Variants in PLEKHM3 observed in about 807,000 individuals in gnomAD.
PLEKHM3 encodes the protein pleckstrin homology domain-containing family M member 3.
A neutral mutation model predicts 81.8 loss-of-function variants in PLEKHM3; 45 were observed. The observed-to-expected ratio is 0.55, with a 90% CI of 0.43 to 0.71. The LOEUF is 0.71. PLEKHM3 is among the 30% of genes least tolerant of loss of function. PLEKHM3 has a pLI of 0.00. For synonymous variants in PLEKHM3, 352 were observed against 356.4 expected (o/e 0.99, Z 0.14); for missense variants, 788 against 924.3 (o/e 0.85, Z 1.91).
At chr2:207,849,873 G>A (rs1052959772) in intron 7 of PLEKHM3, among the ~76,000 whole-genome samples, 2 of 152,152 alleles carry the variant, frequency 1.3e-5, no homozygotes, top group African/African-American at 2.4e-5. Flanking sequence ...TTTATGTAAC[G>A]CTTAGTCCAT....
chr2:208,008,060 A>C (rs1692556069), intron 1 of PLEKHM3, among the ~76,000 whole-genome samples: 1 of 151,922 alleles, frequency 6.6e-6, no homozygotes, highest in Non-Finnish European at 1.5e-5. Context: ...CTCAAAAATA[A>C]ATAAATAAAT....
chr2:208,010,631 C>T (rs17537823), intron 1 of PLEKHM3, among the ~76,000 whole-genome samples: 4,870 of 152,292 alleles, frequency 0.032, 104 homozygotes, highest in Non-Finnish European at 0.045. Context: ...CAAGTAGGTT[C>T]CATCAGGGCC....
At chr2:207,984,450 G>A (rs1052202862) in intron 2 of PLEKHM3, among the ~76,000 whole-genome samples, 2 of 151,004 alleles carry the variant, frequency 1.3e-5, no homozygotes, top group African/African-American at 2.4e-5. Context: ...GAGTGATCTC[G>A]GCTCACTGCA....
chr2:207,970,240 G>A lies in PLEKHM3; in HGVS notation c.1546+6411C>T, dbSNP rs73983659. 8.2e-3 allele frequency among the ~76,000 whole-genome samples: 1,240 copies of A among 151,866 alleles called. 17 individuals carry two copies. Among genetic ancestry groups the A allele is most frequent in the African/African-American group, 0.028 (1,165 of 41,402 alleles). ...AGAGAGGAGAGGAAAGAGGAGGTAG[G>A]GTGGGGCAAAGAAAAACTAGAGTGC... On this transcript the variant is annotated intron_variant, in intron 3 of 7. Coordinates refer to ENST00000427836, the MANE Select transcript of PLEKHM3 (RefSeq NM_001080475.3).
Position 207,936,846 on chromosome 2 carries a change from AGTGTGTGTGT to A in PLEKHM3, c.1693-5737_1693-5728del, listed in dbSNP as rs57642698. Among the ~76,000 whole-genome samples, 442 of 146,800 alleles carry A rather than the reference AGTGTGTGTGT, an allele frequency of 3.0e-3. 3 individuals are homozygous for A. The highest frequency in any genetic ancestry group is 5.0e-3 in the African/African-American group (200 of 39,980). Reference sequence around the variant, plus strand: ...CAAAAAAGAACTGGTTAGATAAATTAGTGTGTGTGTGTGTGTGTGTGTGTGTGTGTGTGTG... The same window carrying A: ...CAAAAAAGAACTGGTTAGATAAATTAGTGTGTGTGTGTGTGTGTGTGTGTG... On this transcript the variant is annotated intron_variant, in intron 4 of 7. Coordinates refer to ENST00000427836, the MANE Select transcript of PLEKHM3 (RefSeq NM_001080475.3).
At chr2:207,945,756 C>T (rs141501426) in intron 4 of PLEKHM3, among the ~76,000 whole-genome samples, 2,879 of 152,158 alleles carry the variant, frequency 0.019, 92 homozygotes, top group African/African-American at 0.065. Flanking sequence ...CAAAAATTAG[C>T]TGGGCGTGGT....
At chr2:207,998,241 C>T (rs978655651) in intron 2 of PLEKHM3, among the ~76,000 whole-genome samples, 4 of 152,216 alleles carry the variant, frequency 2.6e-5, no homozygotes, top group Admixed American at 2.6e-4. Flanking sequence ...CAGTGGCTCA[C>T]GCCTGTAACC....
intron 4 of PLEKHM3, among the ~76,000 whole-genome samples, chr2:207,940,461 A>G (rs1689903709): frequency 6.6e-6 from 1 of 152,204 alleles, no homozygotes; most frequent in African/African-American, 2.4e-5. Flanking sequence ...CATATGAGGA[A>G]ACTGACACCA....
intron 7 of PLEKHM3, among the ~76,000 whole-genome samples, chr2:207,831,467 A>T (rs1314945291): frequency 1.3e-5 from 2 of 152,216 alleles, no homozygotes; most frequent in African/African-American, 4.8e-5. Flanking sequence ...TCAAACCACA[A>T]ATCCTTTGTA....
chr2:207,899,332 G>A (rs1418417112), intron 6 of PLEKHM3, among the ~76,000 whole-genome samples: 2 of 152,138 alleles, frequency 1.3e-5, no homozygotes, highest in African/African-American at 4.8e-5. Context: ...AAATTCTACT[G>A]GACATCACCA....
chr2:207,958,278 C>T (rs116783898), intron 3 of PLEKHM3, among the ~76,000 whole-genome samples: 1 of 152,164 alleles, frequency 6.6e-6, no homozygotes, highest in Non-Finnish European at 1.5e-5. Context: ...GTAACATCTG[C>T]TCCAAGCTTG....
chr2:208,007,767 A>C (rs1269575013), intron 1 of PLEKHM3, among the ~76,000 whole-genome samples: 1 of 152,090 alleles, frequency 6.6e-6, no homozygotes, highest in Non-Finnish European at 1.5e-5. Flanking sequence ...ACAAAAAATT[A>C]AAAATAGGCC....
At chr2:207,936,068 G>A (rs780620068) in intron 4 of PLEKHM3, among the ~76,000 whole-genome samples, 7 of 152,116 alleles carry the variant, frequency 4.6e-5, no homozygotes, top group South Asian at 2.1e-4. Context: ...CTGTAACTTC[G>A]AACTTCTGAG....
intron 3 of PLEKHM3, among the ~76,000 whole-genome samples, chr2:207,951,377 A>C (rs1384547435): frequency 2.0e-5 from 3 of 152,230 alleles, no homozygotes; most frequent in Non-Finnish European, 4.4e-5. Flanking sequence ...ACTTTTCAGC[A>C]ATGTTTCTAA....
intron 6 of PLEKHM3, among the ~76,000 whole-genome samples, chr2:207,865,801 AAGATATATATATATATATAT>A (rs2092495830): frequency 7.9e-5 from 2 of 25,290 alleles, no homozygotes; most frequent in Admixed American, 3.3e-4. Flanking sequence ...AAAAAAAAAA[AAGATATATATATATATATAT>A]ATATATATAT....
chr2:207,964,668 G>A (rs1312827234), intron 3 of PLEKHM3, among the ~76,000 whole-genome samples: 1 of 152,132 alleles, frequency 6.6e-6, no homozygotes, highest in Non-Finnish European at 1.5e-5. Flanking sequence ...AACGAACATG[G>A]TCAAACATCA....
chr2:207,968,158 C>T (rs1690983240), intron 3 of PLEKHM3, among the ~76,000 whole-genome samples: 1 of 151,940 alleles, frequency 6.6e-6, no homozygotes, highest in Non-Finnish European at 1.5e-5. Context: ...ATAGCACAGA[C>T]CTGACCTACT....
In PLEKHM3 at chr2:207,977,078, G is replaced by T; in HGVS notation, c.1119C>A (p.Val373=). 6.2e-7 allele frequency: 1 copy of T among 1,614,224 alleles called. No individual in the cohort carries two copies. Among genetic ancestry groups the T allele is most frequent in the South Asian group, 1.1e-5 (1 of 91,086 alleles). Reference sequence around the variant, plus strand: ...ATGTAAATGCCTTCCAGTTGTTTTGGACAGTCAGCCTGTAGAGAGTCCCTG... The same window carrying T: ...ATGTAAATGCCTTCCAGTTGTTTTGTACAGTCAGCCTGTAGAGAGTCCCTG... The part of the protein sequence containing the change: ...LKSGTLYRLT[V]QNNWKAFTFV... Residue 373 remains valine, a synonymous_variant, in exon 3 of 8, where the codon GTC becomes GTA. Transcript: ENST00000427836.
At chr2:207,946,570 C>A in intron 3 of PLEKHM3, 58 bp from the exon 4 acceptor site, 1 of 1,582,956 alleles carries the variant, frequency 6.3e-7, no homozygotes, top group Non-Finnish European at 8.6e-7. Flanking sequence ...CACTACAGAA[C>A]AAGGTTATAG....
Sources: allele counts gnomAD v4.1 joint callset (sites outside exome capture counted in the v4.1 genomes callset), GRCh38; gene constraint gnomAD v4.1.1; transcripts MANE v1.5; gene names NCBI Gene and HGNC (gene_info 2026-07-23, HGNC 2026-07-21).